The following SCN9A variants were observed in gnomAD, a reference collection of about 807,000 sequenced individuals.
SCN9A encodes sodium voltage-gated channel alpha subunit 9, also known as sodium channel protein type 9 subunit alpha.
Under a neutral mutation model 187.0 loss-of-function variants are expected in SCN9A, and 131 were observed. That is an observed-to-expected ratio of 0.70 (90% CI 0.61 to 0.81). SCN9A has a LOEUF of 0.81. Ranked by LOEUF, SCN9A falls within the 30% of genes least tolerant of loss-of-function variation. The probability of loss-of-function intolerance (pLI) is 0.00; values close to 1 mark genes in which losing one functional copy is unlikely to be tolerated. For missense variants in SCN9A, 2,252 were observed against 2,396.6 expected, an observed-to-expected ratio of 0.94 and a Z score of 1.26; for synonymous variants, 809 against 808.6, an observed-to-expected ratio of 1.00 and a Z score of -0.01.
chr2:166,322,962 C>T (rs1699279981), intron 1 of SCN9A, among the ~76,000 whole-genome samples: 1 of 151,914 alleles, frequency 6.6e-6, no homozygotes, highest in African/African-American at 2.4e-5. Flanking sequence ...CAAGAGTATC[C>T]CTAGAATGAC....
intron 17 of SCN9A, among the ~76,000 whole-genome samples, chr2:166,262,213 GA>G (rs1328658600): frequency 3.3e-5 from 5 of 151,708 alleles, no homozygotes; most frequent in Admixed American, 1.3e-4. Flanking sequence ...TAATTTGCAT[GA>G]AAAAATAGAC....
chr2:166,325,302 T>C (rs1249624607), intron 1 of SCN9A, among the ~76,000 whole-genome samples: 1 of 152,160 alleles, frequency 6.6e-6, no homozygotes, highest in Admixed American at 6.5e-5. Context: ...TTACAATTAA[T>C]ACATTAAAAA....
chr2:166,214,393 C>A (rs922021839), intron 24 of SCN9A, among the ~76,000 whole-genome samples: 1 of 151,934 alleles, frequency 6.6e-6, no homozygotes, highest in Admixed American at 6.6e-5. Flanking sequence ...ACTTGGAAAT[C>A]TACATAGCAA....
At chr2:166,280,278 G>T in intron 14 of SCN9A, 79 bp downstream of exon 14, 1 of 817,986 alleles carries the variant, frequency 1.2e-6, no homozygotes, top group South Asian at 1.8e-5. Context: ...AGATTCATCT[G>T]ACATAAAAAA....
intron 17 of SCN9A, among the ~76,000 whole-genome samples, chr2:166,260,379 C>T (rs1038499779): frequency 5.3e-5 from 8 of 151,922 alleles, no homozygotes; most frequent in Middle Eastern, 3.4e-3. Flanking sequence ...TCCTTCTGTA[C>T]CACATCTGCC....
At position 166,286,465 on chromosome 2, in the gene SCN9A, T is replaced by G; in HGVS notation, c.1473A>C (p.Gly491=). 1.2e-6 allele frequency: 2 copies of G among 1,613,952 alleles called. No individual in the cohort carries two copies. The highest frequency in any genetic ancestry group is 1.1e-5 in the South Asian group (1 of 91,060). The change falls in exon 11 of 27, where the codon GGA becomes GGC. Residue 491 remains glycine, a synonymous_variant. Transcript: ENST00000642356. ...KKKNQKKLSS[G]EEKGDAEKLS... ...ATTTCTCAGCATCTCCCTTTTCCTC[T>G]CCACTGGAGAGCTTCTTTTGATTCT...
At chr2:166,337,057 T>C (rs757870156) in intron 1 of SCN9A, among the ~76,000 whole-genome samples, 18 of 152,242 alleles carry the variant, frequency 1.2e-4, no homozygotes, top group East Asian at 5.8e-4. Context: ...AGGGTAAATT[T>C]ACAGCAGAAA....
At position 166,297,692 on chromosome 2, in the gene SCN9A, G is replaced by A. The variant is rs375543929; in HGVS notation, c.902-3030C>T. On this transcript the variant is annotated intron_variant, in intron 7 of 26. Transcript: ENST00000642356. ...AAAATATTTTAAATTAGATAGTGGC[G>A]ATCGTTGCACAACTCTGAGTATAGT... 7.2e-5 allele frequency among the ~76,000 whole-genome samples: 11 copies of A among 151,810 alleles called. No individual in the cohort carries two copies. In the South Asian group the frequency reaches 1.0e-3, roughly 14 times the overall value.
At position 166,199,930 on chromosome 2, in the gene SCN9A, C is replaced by G. The variant is rs12618615; in HGVS notation, c.4775-66G>C. 6.8e-6 allele frequency: 7 copies of G among 1,033,760 alleles called. No homozygotes were observed. The South Asian group carries it at 9.3e-5, about 14-fold the overall frequency. 64.0% of individuals were successfully genotyped at this position (1,033,760 alleles called of 1,614,324 possible). A position where few individuals can be genotyped will look rare whatever the true frequency, so the allele number is the denominator to read the frequency against. ...ATGTATGCTACCTGAAATGATGACT[C>G]TAAACAGTTTTATCTGTCAACTCAT... On this transcript the variant is annotated intron_variant, in intron 26 of 26. Coordinates refer to ENST00000642356, the MANE Select transcript of SCN9A (RefSeq NM_001365536.1).
chr2:166,217,245 T>C (rs1187268266), intron 24 of SCN9A, among the ~76,000 whole-genome samples: 1 of 151,992 alleles, frequency 6.6e-6, no homozygotes, highest in Non-Finnish European at 1.5e-5. Context: ...GAAATGAAAC[T>C]ATAAAGCTAC....
Position 166,272,470 on chromosome 2 carries a change from C to T in SCN9A, c.3280G>A (p.Gly1094Arg). ...SLTVTVPIAPGESDLENMNAE... is the reference protein window; with the variant it reads ...SLTVTVPIAPRESDLENMNAE... ...TTCATATTTTCCAAATCGGATTCCC[C>T]AGGTGCAATTGGCACTGTCACTGTG... The change falls in exon 17 of 27, where the codon GGG becomes AGG. Residue 1094 changes from glycine (G) to arginine (R), a missense_variant. Around this residue, in one of 7 missense-constraint regions of SCN9A, gnomAD observed 313 missense variants for 295.3 expected, o/e 1.06. Transcript: ENST00000642356. 1 of 1,612,448 alleles carries T rather than the reference C, an allele frequency of 6.2e-7. No homozygotes were observed. Among genetic ancestry groups the T allele is most frequent in the Non-Finnish European group, 8.5e-7 (1 of 1,179,234 alleles).
At chr2:166,323,395 G>A (rs1699289108) in intron 1 of SCN9A, among the ~76,000 whole-genome samples, 3 of 152,218 alleles carry the variant, frequency 2.0e-5, no homozygotes, top group South Asian at 4.1e-4. Context: ...AAAATTATTT[G>A]GGGGACTTCC....
intron 13 of SCN9A, among the ~76,000 whole-genome samples, chr2:166,280,852 A>G (rs772480542): frequency 1.3e-5 from 2 of 152,220 alleles, no homozygotes; most frequent in African/African-American, 4.8e-5. Context: ...TCTTTCAGAG[A>G]AAAATGCACC....
intron 1 of SCN9A, among the ~76,000 whole-genome samples, chr2:166,374,849 A>C (rs964428016): frequency 1.9e-4 from 29 of 150,870 alleles, no homozygotes; most frequent in African/African-American, 4.9e-4. Context: ...CTTCTTAAAA[A>C]CCCCCCTAAG....
rs573944942 is a variant in SCN9A, at chr2:166,317,187, C to T, written c.-50-5381G>A. Among the ~76,000 whole-genome samples the T allele has an allele frequency of 7.9e-5, 12 of 151,434 alleles. No individual in the cohort carries two copies. In the South Asian group the frequency reaches 1.3e-3, roughly 16 times the overall value. ...TACTTTACTTTTCAAATTTGTACAA[C>T]GAAAATGTCATGTTTTTCTATCCAG... is the stretch of plus-strand genomic sequence containing the variant. On this transcript the variant is annotated intron_variant, in intron 1 of 26. Transcript: ENST00000642356.
chr2:166,204,161 A>T lies in SCN9A; in HGVS notation c.4568T>A (p.Val1523Asp). 1.2e-6 allele frequency: 2 copies of T among 1,612,372 alleles called. No individual in the cohort carries two copies. Among genetic ancestry groups the T allele is most frequent in the Non-Finnish European group, 1.7e-6 (2 of 1,178,740 alleles). Residue 1523 changes from valine (V) to aspartate (D), a missense_variant, in exon 26 of 27, where the codon GTT becomes GAT. This residue lies in a region of SCN9A where 368 missense variants were observed against 408.6 expected (regional missense o/e 0.90). Coordinates refer to ENST00000642356, the MANE Select transcript of SCN9A (RefSeq NM_001365536.1). Reference sequence around the variant, plus strand: ...GGTTACCATGTTGAGACAGATAAGAACCATGATACTAATATCAAAGGCTTG... The same window carrying T: ...GGTTACCATGTTGAGACAGATAAGATCCATGATACTAATATCAAAGGCTTG... Reference protein sequence around the residue: ...TNQAFDISIMVLICLNMVTMM... With the variant: ...TNQAFDISIMDLICLNMVTMM...
At chr2:166,228,663 C>T (rs202065833) in intron 22 of SCN9A, 28 bp downstream of exon 22, 109 of 1,559,794 alleles carry the variant, frequency 7.0e-5, no homozygotes, top group Middle Eastern at 5.1e-4. Flanking sequence ...TATTAAAATA[C>T]CAAGCACTCA....
In SCN9A at chr2:166,272,285, T is replaced by C. The variant is rs1053420505; in HGVS notation, c.3351+114A>G. On this transcript the variant is annotated intron_variant, in intron 17 of 26. Coordinates refer to ENST00000642356, the MANE Select transcript of SCN9A (RefSeq NM_001365536.1). ...GTTGTGTAAAGTCACGCACAAAAAC[T>C]ATCCATCACTACATGCAATGTTAAG... 8.9e-6 allele frequency: 6 copies of C among 672,340 alleles called. No individual in the cohort carries two copies. The African/African-American group carries it at 1.1e-4, about 12-fold the overall frequency. 41.6% of individuals were successfully genotyped at this position (672,340 alleles called of 1,614,324 possible). A position where few individuals can be genotyped will look rare whatever the true frequency, so the allele number is the denominator to read the frequency against.
intron 1 of SCN9A, among the ~76,000 whole-genome samples, chr2:166,372,758 T>A (rs1217820967): frequency 6.6e-6 from 1 of 152,152 alleles, no homozygotes; most frequent in Non-Finnish European, 1.5e-5. Context: ...AGGGTTAATA[T>A]GCTTTATTCT....
Sources: gnomAD v4.1 joint callset for allele counts (sites outside exome capture counted in the v4.1 genomes callset) on GRCh38, gnomAD v4.1.1 for gene constraint, gnomAD v4.1.1 regional missense constraint, MANE v1.5 for transcripts, NCBI Gene and HGNC (gene_info 2026-07-23, HGNC 2026-07-21) for gene names.